NEMP1: variants seen among roughly 807,000 people sequenced by gnomAD.
The protein encoded by NEMP1 is transmembrane protein 194.
A neutral mutation model predicts 53.7 loss-of-function variants in NEMP1; 29 were observed. That is an observed-to-expected ratio of 0.54 (90% CI 0.40 to 0.74). The LOEUF (loss-of-function observed/expected upper bound fraction) is 0.74, where lower values mean the gene tolerates loss of function less well. Ranked by LOEUF, NEMP1 falls within the 30% of genes least tolerant of loss-of-function variation. NEMP1 has a pLI of 0.00. For missense variants in NEMP1, 477 were observed against 528.6 expected (o/e 0.90, Z 0.96); for synonymous variants, 193 against 192.9 (o/e 1.00, Z 0.00).
chr12:57,074,354 C>T (rs946067607), intron 1 of NEMP1, among the ~76,000 whole-genome samples: 1 of 145,098 alleles, frequency 6.9e-6, no homozygotes, highest in Non-Finnish European at 1.5e-5. Flanking sequence ...TACAGTGGTG[C>T]GATCTTGGCT....
At chr12:57,084,610 C>T (rs995690868) in intron 1 of NEMP1, among the ~76,000 whole-genome samples, 5 of 152,314 alleles carry the variant, frequency 3.3e-5, no homozygotes, top group African/African-American at 4.8e-5. Context: ...CACTCTGCTC[C>T]TAAGTGCAGA....
At chr12:57,069,097 T>C in intron 4 of NEMP1, 137 bp downstream of exon 4, 1 of 524,372 alleles carries the variant, frequency 1.9e-6, no homozygotes. Flanking sequence ...TTAAAGTATT[T>C]TTTTAAATAT....
intron 1 of NEMP1, among the ~76,000 whole-genome samples, 197 bp downstream of exon 1, chr12:57,078,422 C>A (rs1203525342): frequency 3.3e-5 from 5 of 152,140 alleles, no homozygotes; most frequent in African/African-American, 1.2e-4. Context: ...GAAGCTGCCC[C>A]AGCCCGCTTC....
chr12:57,067,256 G>A (rs1291357048), intron 4 of NEMP1, among the ~76,000 whole-genome samples: 1 of 152,014 alleles, frequency 6.6e-6, no homozygotes, highest in African/African-American at 2.4e-5. Context: ...CCCGGAAGGT[G>A]GAGCTTGCAG....
intron 1 of NEMP1, among the ~76,000 whole-genome samples, 153 bp downstream of exon 1, chr12:57,078,466 C>T (rs534571829): frequency 6.6e-6 from 1 of 152,276 alleles, no homozygotes; most frequent in Admixed American, 6.5e-5. Flanking sequence ...CGCCCACTAG[C>T]CTGCCAAGTT....
At chr12:57,063,388 T>A in intron 6 of NEMP1, 44 bp from the exon 7 acceptor site, 2 of 1,525,024 alleles carry the variant, frequency 1.3e-6, no homozygotes, top group Non-Finnish European at 1.8e-6. Context: ...CATCTATACT[T>A]GGTAAAAATA....
At chr12:57,081,937 G>A (rs1592523854), upstream of NEMP1, among the ~76,000 whole-genome samples, 1 of 150,356 alleles carries the variant, frequency 6.7e-6, no homozygotes, top group East Asian at 2.0e-4. Flanking sequence ...AAAACACGGA[G>A]GCTGAGCATG....
upstream of NEMP1, among the ~76,000 whole-genome samples, chr12:57,088,570 G>A (rs549164048): frequency 1.3e-5 from 2 of 152,336 alleles, no homozygotes; most frequent in South Asian, 2.1e-4. Context: ...GGGCGTCCCC[G>A]TAGTTGTTTA....
At position 57,058,162 on chromosome 12, in the gene NEMP1, C is replaced by G. The variant is rs2031619448; in HGVS notation, c.*1717G>C. 1 of 143,728 alleles carries G rather than the reference C, an allele frequency of 7.0e-6. No individual in the cohort carries two copies. Among genetic ancestry groups the G allele is most frequent in the Non-Finnish European group, 1.5e-5 (1 of 67,220 alleles). 8.9% of individuals were successfully genotyped at this position (143,728 alleles called of 1,614,324 possible). A position where few individuals can be genotyped will look rare whatever the true frequency, so the allele number is the denominator to read the frequency against. The stretch of plus-strand genomic sequence containing the variant: ...CTACTATATGTCTCTTTCCTGCCAA[C>G]TGAGGTAGTTGTCACTTAGGACAGT... On this transcript the variant is annotated 3_prime_UTR_variant, in exon 9 of 9. Coordinates refer to ENST00000300128, the MANE Select transcript of NEMP1 (RefSeq NM_001130963.2).
upstream of NEMP1, among the ~76,000 whole-genome samples, chr12:57,082,865 A>C (rs944189017): frequency 3.3e-5 from 5 of 152,012 alleles, no homozygotes; most frequent in Admixed American, 2.6e-4. Context: ...TACAAAAAAA[A>C]AAAAAATTAG....
Position 57,056,494 on chromosome 12 carries a change from C to T in NEMP1, c.*3385G>A, listed in dbSNP as rs963775907. Reference sequence around the variant, plus strand: ...TCAAACTGTTCTCTTGTTTCAGATACAATTCTTGGCATTTCAATATAGGTT... The same window carrying T: ...TCAAACTGTTCTCTTGTTTCAGATATAATTCTTGGCATTTCAATATAGGTT... On this transcript the variant is annotated 3_prime_UTR_variant, in exon 9 of 9. Transcript: ENST00000300128. 19 of 152,170 alleles carry T rather than the reference C, an allele frequency of 1.2e-4. No homozygotes were observed. The highest frequency in any genetic ancestry group is 6.5e-4 in the Admixed American group (10 of 15,272). 9.4% of individuals were successfully genotyped at this position (152,170 alleles called of 1,614,324 possible).
At chr12:57,063,977 T>C (rs2031946304) in intron 6 of NEMP1, 94 bp downstream of exon 6, 6 of 695,918 alleles carry the variant, frequency 8.6e-6, no homozygotes, top group Non-Finnish European at 1.4e-5. Flanking sequence ...ACATGAACTA[T>C]TAAATCCCAT....
intron 7 of NEMP1, 147 bp from the exon 8 acceptor site, chr12:57,061,092 T>C (rs964220217): frequency 1.3e-6 from 1 of 741,390 alleles, no homozygotes; most frequent in Non-Finnish European, 2.1e-6. Flanking sequence ...ACATCTTTAG[T>C]TATAATGAAC....
At chr12:57,080,862 G>A (rs1397052984), upstream of NEMP1, among the ~76,000 whole-genome samples, 5 of 149,732 alleles carry the variant, frequency 3.3e-5, no homozygotes, top group East Asian at 9.7e-4. Context: ...CTTCACTCCA[G>A]CCTGGGTGAC....
chr12:57,073,860 A>G (rs1392420253), intron 1 of NEMP1, among the ~76,000 whole-genome samples: 2 of 152,226 alleles, frequency 1.3e-5, no homozygotes, highest in African/African-American at 2.4e-5. Flanking sequence ...CTTAAACACT[A>G]GATATACTTC....
chr12:57,060,390 T>C (rs2031741432), intron 8 of NEMP1, among the ~76,000 whole-genome samples: 1 of 152,210 alleles, frequency 6.6e-6, no homozygotes, highest in African/African-American at 2.4e-5. Flanking sequence ...GTTATTCACG[T>C]TTATGGCCCT....
Position 57,057,566 on chromosome 12 carries a change from C to T in NEMP1, c.*2313G>A, listed in dbSNP as rs894297839. ...GGACACACAGCACACCAGAGCAGCA[C>T]CGTCCTTCACTGTGTGAGAGCAACT... On this transcript the variant is annotated 3_prime_UTR_variant, in exon 9 of 9. Transcript: ENST00000300128. The T allele has an allele frequency of 6.6e-6, 1 of 152,384 alleles. No homozygotes were observed. The allele number at this position is 152,384 out of a possible 1,614,324, so 9.4% of individuals were successfully genotyped here. A position where few individuals can be genotyped will look rare whatever the true frequency, so the allele number is the denominator to read the frequency against.
chr12:57,085,448 A>C (rs191096527), intron 1 of NEMP1, among the ~76,000 whole-genome samples: 13 of 152,014 alleles, frequency 8.6e-5, no homozygotes, highest in African/African-American at 2.7e-4. Flanking sequence ...ACCCTCTTAT[A>C]CTTCTGTCAT....
At chr12:57,066,976 A>C (rs571236528) in intron 4 of NEMP1, among the ~76,000 whole-genome samples, 30 of 152,288 alleles carry the variant, frequency 2.0e-4, no homozygotes, top group African/African-American at 6.7e-4. Context: ...GAGTCCATTA[A>C]ACTTCTTTTT....
Sources: gnomAD v4.1 joint callset for allele counts (sites outside exome capture counted in the v4.1 genomes callset) on GRCh38, gnomAD v4.1.1 for gene constraint, MANE v1.5 for transcripts, NCBI Gene and HGNC (gene_info 2026-07-23, HGNC 2026-07-21) for gene names.